Variants in KCTD1 observed in about 807,000 individuals in gnomAD.
The protein encoded by KCTD1 is BTB/POZ domain-containing protein KCTD1.
A neutral mutation model predicts 66.0 loss-of-function variants in KCTD1; 24 were observed. The observed-to-expected ratio is 0.36, with a 90% confidence interval of 0.26 to 0.51. The LOEUF is 0.51. Ranked by LOEUF, KCTD1 falls within the 20% of genes least tolerant of loss-of-function variation. KCTD1 has a pLI of 0.95. For synonymous variants in KCTD1, 511 were observed against 517.2 expected (o/e 0.99, Z 0.16); for missense variants, 943 against 1,205.2 (o/e 0.78, Z 3.22).
In KCTD1 at chr18:26,629,156, T is replaced by C. The variant is rs770016845; in HGVS notation, c.-25A>G. ...GGAAGGGTTTTCTTACTTTTGGTGA[T>C]GGATTTGCCTTTATTCATCTGCACC... On this transcript the variant is annotated 5_prime_UTR_variant, in exon 1 of 5. Transcript: ENST00000317932. 85 of 984,772 alleles carry C rather than the reference T, an allele frequency of 8.6e-5. 1 individual carries two copies. Among genetic ancestry groups the C allele is most frequent in the South Asian group, 3.8e-4 (8 of 21,268 alleles). The allele number at this position is 984,772 out of a possible 1,614,324, so 61.0% of individuals were successfully genotyped here. A position where few individuals can be genotyped will look rare whatever the true frequency, so the allele number is the denominator to read the frequency against.
At chr18:26,486,871 C>T (rs528122606) in intron 2 of KCTD1, among the ~76,000 whole-genome samples, 78 of 152,296 alleles carry the variant, frequency 5.1e-4, no homozygotes, top group African/African-American at 1.8e-3. Flanking sequence ...TGCAATCATG[C>T]CAGCAAAAGA....
rs780126328 is a variant in KCTD1, at chr18:26,547,090, C to T, written c.1447G>A (p.Ala483Thr). The part of the protein sequence containing the change: ...SPAPQGCYAE[A>T]LNGAARHHSH... ...TGGTGCCGTGCCGCCCCGTTCAGAG[C>T]CTCGGCGTAGCAGCCCTGCGGGGCG... The change falls in exon 1 of 5, where the codon GCT becomes ACT. Residue 483 changes from alanine to threonine, a missense_variant. Ala to Thr is a moderately conservative substitution (Grantham distance 58, BLOSUM62 0). This residue lies in a region of KCTD1 where 197 missense variants were observed against 182.7 expected (regional missense o/e 1.08). Coordinates refer to ENST00000580059, the MANE Select transcript of KCTD1 (RefSeq NM_001142730.3). The T allele has an allele frequency of 7.1e-6, 11 of 1,544,748 alleles. No individual in the cohort carries two copies. Among genetic ancestry groups the T allele is most frequent in the Middle Eastern group, 2.0e-4 (1 of 5,062 alleles).
At chr18:26,570,314 ACT>A (rs1986078353) in intron 1 of KCTD1, among the ~76,000 whole-genome samples, 1 of 151,562 alleles carries the variant, frequency 6.6e-6, no homozygotes, top group Non-Finnish European at 1.5e-5. Flanking sequence ...GGATTGTATA[ACT>A]CTATTTTGTC....
chr18:26,552,197 T>C (rs1024680330), upstream of KCTD1, among the ~76,000 whole-genome samples: 2 of 152,096 alleles, frequency 1.3e-5, no homozygotes, highest in African/African-American at 2.4e-5. Flanking sequence ...TCCAAATGTT[T>C]CCCCCTCGAT....
intron 1 of KCTD1, chr18:26,566,608 T>A (rs1985986221): frequency 6.6e-6 from 1 of 152,224 alleles, no homozygotes; most frequent in Admixed American, 6.5e-5. Context: ...TTGGGAAGGC[T>A]GAATTTGCAG....
intron 1 of KCTD1, among the ~76,000 whole-genome samples, chr18:26,601,346 A>AAAAAAAAG (rs1555646209): frequency 6.6e-6 from 1 of 150,724 alleles, no homozygotes; most frequent in Non-Finnish European, 1.5e-5. Context: ...AAAAAAAAAA[A>AAAAAAAAG]AAAGAAAGAA....
chr18:26,572,682 G>GT (rs1017085263), intron 1 of KCTD1, among the ~76,000 whole-genome samples: 2 of 152,230 alleles, frequency 1.3e-5, no homozygotes, highest in Non-Finnish European at 2.9e-5. Context: ...TAAGCCACTT[G>GT]TGCTGCCAAA....
chr18:26,587,442 G>A (rs1426187451), intron 1 of KCTD1, among the ~76,000 whole-genome samples: 2 of 152,164 alleles, frequency 1.3e-5, no homozygotes, highest in African/African-American at 4.8e-5. Context: ...TTGTTTTCAT[G>A]TCTGCTAACA....
chr18:26,580,523 C>G (rs1986327840), intron 1 of KCTD1, among the ~76,000 whole-genome samples: 1 of 152,082 alleles, frequency 6.6e-6, no homozygotes, highest in Admixed American at 6.5e-5. Flanking sequence ...TGGTGTGGAG[C>G]CCAAGGATGT....
At chr18:26,490,583 T>C (rs894020014) in intron 2 of KCTD1, among the ~76,000 whole-genome samples, 3 of 152,164 alleles carry the variant, frequency 2.0e-5, no homozygotes, top group Non-Finnish European at 4.4e-5. Flanking sequence ...AATGTTTGAC[T>C]TTCACACTGC....
At chr18:26,562,020 T>A (rs891930217) in intron 1 of KCTD1, among the ~76,000 whole-genome samples, 2 of 152,122 alleles carry the variant, frequency 1.3e-5, no homozygotes, top group African/African-American at 4.8e-5. Flanking sequence ...TCCCTATAGT[T>A]AATCAGCCCT....
chr18:26,599,684 T>C, intron 1 of KCTD1: 4 of 1,497,864 alleles, frequency 2.7e-6, no homozygotes, highest in Non-Finnish European at 3.7e-6. Context: ...TGGATGTCTT[T>C]TTCTGAAAGA....
intron 4 of KCTD1, chr18:26,457,443 A>G (rs1567951926): frequency 6.6e-6 from 1 of 152,228 alleles, no homozygotes; most frequent in South Asian, 2.1e-4. Flanking sequence ...ATCCCTTGCC[A>G]TGATTAGGAG....
At chr18:26,595,930 A>G (rs1489288519) in intron 1 of KCTD1, among the ~76,000 whole-genome samples, 1 of 152,152 alleles carries the variant, frequency 6.6e-6, no homozygotes, top group Non-Finnish European at 1.5e-5. Context: ...CTGTAGTCCT[A>G]GCTACTCAGG....
At chr18:26,501,565 A>T (rs548845377) in intron 1 of KCTD1, among the ~76,000 whole-genome samples, 52 of 152,376 alleles carry the variant, frequency 3.4e-4, no homozygotes, top group African/African-American at 1.3e-3. Context: ...CTAGTATGAT[A>T]TGAAAAGTCT....
Position 26,546,860 on chromosome 18 carries a change from G to C in KCTD1, c.1677C>G (p.Pro559=). The change falls in exon 1 of 5, where the codon CCC becomes CCG. Residue 559 remains proline, a synonymous_variant. Coordinates refer to ENST00000580059, the MANE Select transcript of KCTD1 (RefSeq NM_001142730.3). ...PTSPKRLCIR[P]SEPVDAVVVV... is the part of the protein sequence containing the mutation. Reference sequence around the variant, plus strand: ...CCACCACCGCATCCACAGGCTCCGAGGGGCGGATACAAAGTCTTTTGGGGG... The same window carrying C: ...CCACCACCGCATCCACAGGCTCCGACGGGCGGATACAAAGTCTTTTGGGGG... The C allele has an allele frequency of 6.6e-7, 1 of 1,510,108 alleles. No individual in the cohort carries two copies. The highest frequency in any genetic ancestry group is 8.9e-7 in the Non-Finnish European group (1 of 1,129,692). 93.5% of individuals were successfully genotyped at this position (1,510,108 alleles called of 1,614,324 possible).
At chr18:26,462,303 C>T (rs1047823840) in intron 3 of KCTD1, among the ~76,000 whole-genome samples, 10 of 152,228 alleles carry the variant, frequency 6.6e-5, no homozygotes, top group Non-Finnish European at 1.3e-4. Flanking sequence ...GAGTCAGAAG[C>T]GCTCCTATGA....
intron 3 of KCTD1, among the ~76,000 whole-genome samples, chr18:26,475,954 G>A (rs1178275828): frequency 6.6e-6 from 1 of 152,172 alleles, no homozygotes; most frequent in East Asian, 1.9e-4. Context: ...TGACTTTTTA[G>A]AATCATCCAT....
chr18:26,470,911 GGACCAA>G (rs1356289202), intron 3 of KCTD1, among the ~76,000 whole-genome samples: 2 of 152,196 alleles, frequency 1.3e-5, no homozygotes, highest in Non-Finnish European at 2.9e-5. Context: ...TGTGTCTGAG[GGACCAA>G]GAGAAGTCCT....
Sources: allele counts gnomAD v4.1 joint callset (sites outside exome capture counted in the v4.1 genomes callset), GRCh38; gene constraint gnomAD v4.1.1; regional missense constraint gnomAD v4.1.1; transcripts MANE v1.5; gene names NCBI Gene and HGNC (gene_info 2026-07-23, HGNC 2026-07-21).